NBPF20: variants seen among roughly 807,000 people sequenced by gnomAD.
The protein encoded by NBPF20 is NBPF member 20.
Under a neutral mutation model 68.1 loss-of-function variants are expected in NBPF20, and 90 were observed. The ratio of observed to expected loss-of-function variants is 1.32; its 90% CI spans 1.11 to 1.58. The LOEUF is 1.58. Among genes scored for constraint, NBPF20 ranks in the 40% most tolerant of loss-of-function variants. The pLI is 0.00. For synonymous variants in NBPF20, 290 were observed against 228.1 expected (o/e 1.27, Z -2.45); for missense variants, 816 against 601.2 (o/e 1.36, Z -3.74).
intron 113 of NBPF20, among the ~76,000 whole-genome samples, chr1:145,311,036 G>C (rs1661464120): frequency 4.6e-5 from 4 of 87,132 alleles, no homozygotes. Flanking sequence ...GAGGGAGGGA[G>C]AGAGAGAGAG....
At chr1:145,291,859 G>T in intron 137 of NBPF20, 90 bp from the exon 143 acceptor site, 1 of 1,604,144 alleles carries the variant, frequency 6.2e-7, no homozygotes, top group African/African-American at 1.4e-5. Context: ...TAAGGAAGTG[G>T]TTAGAAAAGA....
exon 138 of NBPF20, chr1:145,291,587 A>C: frequency 6.2e-7 from 1 of 1,612,028 alleles, no homozygotes; most frequent in Non-Finnish European, 8.5e-7. Flanking sequence ...CGTCAAAGTA[A>C]AAAACCTATT....
At chr1:145,402,808 G>T (rs1399340190) in intron 3 of NBPF20, among the ~76,000 whole-genome samples, 4 of 150,198 alleles carry the variant, frequency 2.7e-5, no homozygotes, top group African/African-American at 9.8e-5. Flanking sequence ...AGAAAAGAAT[G>T]ACAGGGTCGA....
rs587677584 is a variant in NBPF20 at position 145,291,796 on chromosome 1, G to A, written c.16698-27C>T. On this transcript the variant is annotated intron_variant, in intron 137 of 137. Coordinates refer to ENST00000369373, the Ensembl canonical transcript of NBPF20. ...TGGAAAAGGAGACAAAACTAAAGAA[G>A]CAGCCAGGGAAAATCAGAAACCACA... 116 of 1,611,828 alleles carry A rather than the reference G, an allele frequency of 7.2e-5. 1 individual carries two copies. The South Asian group carries it at 8.5e-4, about 12-fold the overall frequency.
chr1:145,291,557 A>G (rs1553657584), exon 138 of NBPF20: 3 of 1,611,898 alleles, frequency 1.9e-6, no homozygotes, highest in Admixed American at 1.7e-5. Flanking sequence ...CATCTGGAAC[A>G]CCAGGTGGAG....
chr1:145,400,593 C>G, exon 6 of NBPF20: 1 of 1,611,624 alleles, frequency 6.2e-7, no homozygotes. Context: ...TTCTGCATCT[C>G]CCTGATGAGC....
rs2101535972 is a variant in NBPF20, at chr1:145,393,969, A to C, written c.992-34T>G. 2.7e-6 allele frequency: 3 copies of C among 1,120,198 alleles called. No homozygotes were observed. In the East Asian group the frequency reaches 7.0e-5, roughly 26 times the overall value. 69.4% of individuals were successfully genotyped at this position (1,120,198 alleles called of 1,614,324 possible). On this transcript the variant is annotated intron_variant, in intron 8 of 137. Transcript: ENST00000369373. ...AAATTCAGATGGGCCCTCTTACATT[A>C]AGCAGTTCTTCCTTGCACACAGAAA...
At chr1:145,410,409 G>A (rs797043661), upstream of NBPF20, among the ~76,000 whole-genome samples, 14 of 150,198 alleles carry the variant, frequency 9.3e-5, 1 homozygote, top group South Asian at 2.9e-3. Context: ...CCGCCTCCCG[G>A]GTTCACGCCA....
intron 137 of NBPF20, 23 bp from the exon 143 acceptor site, chr1:145,291,792 A>G: frequency 3.1e-6 from 5 of 1,611,982 alleles, no homozygotes; most frequent in Non-Finnish European, 4.2e-6. Context: ...ACAAAACTAA[A>G]GAAGCAGCCA....
chr1:145,291,511 C>A (rs782000257), exon 138 of NBPF20: 41 of 1,612,004 alleles, frequency 2.5e-5, no homozygotes, highest in African/African-American at 2.5e-4. Flanking sequence ...CATCTCTCGG[C>A]TTAGTAAGGG....
chr1:145,306,244 G>C lies in NBPF20; in HGVS notation c.14445-179C>G, dbSNP rs1417648658. ...AGAACAGGGCCAAATGGAAAAGAAT[G>C]AAAGAGAAAGACAGATAGACACACA... On this transcript the variant is annotated intron_variant, in intron 119 of 137. Transcript: ENST00000369373. Among the ~76,000 whole-genome samples the C allele has an allele frequency of 1.0e-4, 15 of 144,598 alleles. No individual in the cohort carries two copies. The East Asian group carries it at 2.9e-3, about 28-fold the overall frequency. The allele number at this position is 144,598 out of a possible 152,430, so 94.9% of individuals were successfully genotyped here.
intron 7 of NBPF20, among the ~76,000 whole-genome samples, chr1:145,397,961 A>G (rs1362226377): frequency 7.2e-5 from 11 of 152,172 alleles, no homozygotes; most frequent in African/African-American, 2.7e-4. Context: ...CAGACTTTAA[A>G]CCAACCAAGA....
upstream of NBPF20, among the ~76,000 whole-genome samples, chr1:145,406,085 A>ATTTTTTTTTTTTTT (rs587699811): frequency 2.5e-5 from 3 of 117,656 alleles, no homozygotes; most frequent in Non-Finnish European, 3.5e-5. Context: ...CGCCCGGCTA[A>ATTTTTTTTTTTTTT]TTTTTTTTTT....
At chr1:145,402,814 G>A (rs1662587588) in intron 3 of NBPF20, among the ~76,000 whole-genome samples, 1 of 150,328 alleles carries the variant, frequency 6.7e-6, no homozygotes, top group African/African-American at 2.5e-5. Flanking sequence ...GAATGACAGG[G>A]TCGAGAAGGC....
chr1:145,292,429 C>T (rs1430259125), exon 137 of NBPF20: 1 of 702,100 alleles, frequency 1.4e-6, no homozygotes, highest in African/African-American at 2.0e-5. Flanking sequence ...TCTTCCCCTT[C>T]TTCTTTTCTT....
Position 145,291,779 on chromosome 1 carries a change from G to C in NBPF20, c.16698-10C>G, listed in dbSNP as rs782762868. On this transcript the variant is annotated splice_polypyrimidine_tract_variant and intron_variant, in intron 137 of 137. Transcript: ENST00000369373. ...CAGCACGCCGTTGAGCCTGGAAAAG[G>C]AGACAAAACTAAAGAAGCAGCCAGG... 7.9e-5 allele frequency: 128 copies of C among 1,611,784 alleles called. No homozygotes were observed. The highest frequency in any genetic ancestry group is 9.5e-5 in the Non-Finnish European group (112 of 1,179,868).
exon 4 of NBPF20, chr1:145,402,332 T>G: frequency 1.2e-6 from 2 of 1,604,590 alleles, no homozygotes; most frequent in South Asian, 2.2e-5. Flanking sequence ...AACTTCTCCC[T>G]TAACTGGGTC....
rs1211609941 is a variant in NBPF20, at chr1:145,393,656, C to T, written c.1043+228G>A. On this transcript the variant is annotated intron_variant, in intron 9 of 137. Coordinates refer to ENST00000369373, the Ensembl canonical transcript of NBPF20. The stretch of plus-strand genomic sequence containing the variant: ...TTTCCCTGCAGTTACCATGAGAATA[C>T]AGCTTTTGAGTTATGGTCAACTTTC... 56 of 1,212,238 alleles carry T rather than the reference C, an allele frequency of 4.6e-5. No individual in the cohort carries two copies. In the African/African-American group the frequency reaches 7.3e-4, roughly 16 times the overall value. 75.1% of individuals were successfully genotyped at this position (1,212,238 alleles called of 1,614,324 possible). A position where few individuals can be genotyped will look rare whatever the true frequency, so the allele number is the denominator to read the frequency against.
upstream of NBPF20, among the ~76,000 whole-genome samples, chr1:145,406,142 A>G (rs1456492050): frequency 8.5e-6 from 1 of 117,082 alleles, no homozygotes; most frequent in Non-Finnish European, 1.7e-5. Flanking sequence ...TCACTGTGTT[A>G]GCCACGATGG....
Sources: allele counts gnomAD v4.1 joint callset (sites outside exome capture counted in the v4.1 genomes callset), GRCh38; gene constraint gnomAD v4.1.1; transcripts MANE v1.5; gene names NCBI Gene and HGNC (gene_info 2026-07-23, HGNC 2026-07-21).